Variants in PHACTR2 observed in about 807,000 individuals in gnomAD.
PHACTR2 encodes the protein phosphatase and actin regulator 2, also known as chromosome 6 open reading frame 56.
In PHACTR2, 30 loss-of-function variants were observed where a neutral mutation model predicts 76.0. That is an observed-to-expected ratio of 0.39 (90% CI 0.30 to 0.54). The LOEUF (loss-of-function observed/expected upper bound fraction) is 0.54. Among genes scored for constraint, PHACTR2 ranks in the 20% least tolerant of loss-of-function variants. The pLI, the probability that PHACTR2 is intolerant of heterozygous loss-of-function variation, is 0.61. For synonymous variants in PHACTR2, 292 were observed against 292.5 expected (o/e 1.00, Z 0.02); for missense variants, 696 against 781.1 (o/e 0.89, Z 1.30).
In PHACTR2 at chr6:143,623,575, G is replaced by A. The variant is rs751559131; in HGVS notation, c.13+15253G>A. Among the ~76,000 whole-genome samples, 7 of 151,880 alleles carry A rather than the reference G, an allele frequency of 4.6e-5. No individual in the cohort carries two copies. Among genetic ancestry groups the A allele is most frequent in the Non-Finnish European group, 1.0e-4 (7 of 67,982 alleles). On this transcript the variant is annotated intron_variant, in intron 1 of 11. Transcript: ENST00000305766. The surrounding 1 kb of genome is among the most constrained non-coding windows in gnomAD (Gnocchi z 5.9). ...GGGCAACAGAGTGAGACTCTGACTC[G>A]AAATAATAATAATAGTAATAATAAT...
At chr6:143,723,812 C>T (rs889894953) in intron 2 of PHACTR2, among the ~76,000 whole-genome samples, 1 of 152,190 alleles carries the variant, frequency 6.6e-6, no homozygotes, top group East Asian at 1.9e-4. Flanking sequence ...TTCTCCCTCT[C>T]CTGTGTGTTA....
chr6:143,679,213 C>T lies in PHACTR2; in HGVS notation c.46+1004C>T, dbSNP rs1290996066. Among the ~76,000 whole-genome samples, 1 of 152,144 alleles carries T rather than the reference C, an allele frequency of 6.6e-6. No homozygotes were observed. Among genetic ancestry groups the T allele is most frequent in the African/African-American group, 2.4e-5 (1 of 41,426 alleles). ...ATAGCATTCTGTCATTCCAACCCCC[C>T]ACCCCACTTTATACCCAGTGGGTTT... On this transcript the variant is annotated intron_variant, in intron 1 of 12. Transcript: ENST00000440869. The surrounding 1 kb of genome is among the most constrained non-coding windows in gnomAD (Gnocchi z 4.6).
rs1279789764 is a variant in PHACTR2 at position 143,793,151 on chromosome 6, A to G, written c.1845+4241A>G. Among the ~76,000 whole-genome samples, 1 of 152,212 alleles carries G rather than the reference A, an allele frequency of 6.6e-6. No homozygotes were observed. Among genetic ancestry groups the G allele is most frequent in the Non-Finnish European group, 1.5e-5 (1 of 68,034 alleles). ...TATGCAAGCAGGGAGAGTCTAAATG[A>G]CTAACCACCCTCATGTGGAAACTAA... On this transcript the variant is annotated intron_variant, in intron 11 of 12. Transcript: ENST00000440869. This position sits in a 1 kb window ranked among gnomAD's most constrained non-coding sequence, Gnocchi z 4.4.
At position 143,806,979 on chromosome 6, in the gene PHACTR2, C is replaced by A; in HGVS notation, c.1846-78C>A. The A allele has an allele frequency of 2.9e-6, 2 of 678,366 alleles. No homozygotes were observed. The highest frequency in any genetic ancestry group is 5.0e-6 in the Non-Finnish European group (2 of 401,924). 42.0% of individuals were successfully genotyped at this position (678,366 alleles called of 1,614,324 possible). A position where few individuals can be genotyped will look rare whatever the true frequency, so the allele number is the denominator to read the frequency against. ...CTCTTAAAAAAAAAAAAAAGGTCTG[C>A]TTCATTGATGCTGTATATACTGGGG... On this transcript the variant is annotated intron_variant, in intron 11 of 12. Coordinates refer to ENST00000440869, the MANE Select transcript of PHACTR2 (RefSeq NM_001100164.2). This position sits in a 1 kb window ranked among gnomAD's most constrained non-coding sequence, Gnocchi z 5.8.
chr6:143,808,866 CCT>C (rs1472398569), intron 12 of PHACTR2, among the ~76,000 whole-genome samples: 1 of 152,152 alleles, frequency 6.6e-6, no homozygotes, highest in African/African-American at 2.4e-5. Flanking sequence ...TTTTTGTCCC[CCT>C]CTTTTCTCCC....
Position 143,739,217 on chromosome 6 carries a change from A to ACCACG in PHACTR2, c.215-9765_215-9761dup, listed in dbSNP as rs1414527954. On this transcript the variant is annotated intron_variant, in intron 2 of 12. Transcript: ENST00000440869. The surrounding 1 kb of genome is among the most constrained non-coding windows in gnomAD (Gnocchi z 4.3). Reference sequence around the variant, plus strand: ...GTAGCTGGGACTATAGGCGTGCACCACCACGCCCATCTAATTTTTGTATTT... The same window carrying ACCACG: ...GTAGCTGGGACTATAGGCGTGCACCACCACGCCACGCCCATCTAATTTTTGTATTT... 1.3e-5 allele frequency among the ~76,000 whole-genome samples: 2 copies of ACCACG among 152,092 alleles called. No homozygotes were observed. The highest frequency in any genetic ancestry group is 2.4e-5 in the African/African-American group (1 of 41,404).
chr6:143,770,168 A>C (rs907859055), intron 6 of PHACTR2, among the ~76,000 whole-genome samples: 12 of 152,204 alleles, frequency 7.9e-5, no homozygotes, highest in Admixed American at 1.3e-4. Context: ...ATTCAGCCTT[A>C]AAAAGGAAGC....
At position 143,628,796 on chromosome 6, in the gene PHACTR2, G is replaced by A. The variant is rs140867849; in HGVS notation, c.13+20474G>A. Among the ~76,000 whole-genome samples, 1,200 of 151,626 alleles carry A rather than the reference G, an allele frequency of 7.9e-3. 20 individuals carry two copies. The highest frequency in any genetic ancestry group is 0.027 in the African/African-American group (1,128 of 41,280). ...GAGATCATTGTTTACCCTACCCATG[G>A]TCTTTCTCACTTGAGCAAAGTCTGA... On this transcript the variant is annotated intron_variant, in intron 1 of 11. Coordinates refer to the PHACTR2 transcript ENST00000305766.
chr6:143,553,356 G>A lies in PHACTR2; in HGVS notation c.217+16149G>A, dbSNP rs899457284. 1.3e-5 allele frequency among the ~76,000 whole-genome samples: 2 copies of A among 152,174 alleles called. No homozygotes were observed. Among genetic ancestry groups the A allele is most frequent in the Non-Finnish European group, 2.9e-5 (2 of 68,022 alleles). ...CTGTGCATTTTAAAGAGAGAATGAAGGAGTATAGAGGGAGGTGAACAGAGG... is the reference window on the plus strand; with the variant it reads ...CTGTGCATTTTAAAGAGAGAATGAAAGAGTATAGAGGGAGGTGAACAGAGG... On this transcript the variant is annotated intron_variant, in intron 1 of 11. Coordinates refer to the PHACTR2 transcript ENST00000367584. The surrounding 1 kb of genome is among the most constrained non-coding windows in gnomAD (Gnocchi z 4.2).
rs931520516 is a variant in PHACTR2, at chr6:143,592,249, T to G, written c.217+55042T>G. Reference sequence around the variant, plus strand: ...CATATGGGATGGGGGCTTCCATTTGTGTACTTGCCCCAGTCCCTACAAATG... The same window carrying G: ...CATATGGGATGGGGGCTTCCATTTGGGTACTTGCCCCAGTCCCTACAAATG... On this transcript the variant is annotated intron_variant, in intron 1 of 11. Transcript: ENST00000367584. The surrounding 1 kb of genome is among the most constrained non-coding windows in gnomAD (Gnocchi z 4.0). Among the ~76,000 whole-genome samples, 6 of 152,202 alleles carry G rather than the reference T, an allele frequency of 3.9e-5. No individual in the cohort carries two copies. Among genetic ancestry groups the G allele is most frequent in the Non-Finnish European group, 5.9e-5 (4 of 68,028 alleles).
Position 143,699,478 on chromosome 6 carries a change from T to C in PHACTR2, c.47-12538T>C, listed in dbSNP as rs74748422. The stretch of plus-strand genomic sequence containing the variant: ...CTTGCTCCTAAATGTAATCATTCTC[T>C]AGGAGTTTACCCCTGGTCCTCAACA... On this transcript the variant is annotated intron_variant, in intron 1 of 12. Transcript: ENST00000440869. Among the ~76,000 whole-genome samples the C allele has an allele frequency of 2.4e-3, 363 of 152,374 alleles. 3 individuals are homozygous for C. Among genetic ancestry groups the C allele is most frequent in the African/African-American group, 8.2e-3 (343 of 41,578 alleles).
intron 1 of PHACTR2, among the ~76,000 whole-genome samples, chr6:143,555,923 C>G (rs1400045203): frequency 7.2e-6 from 1 of 138,908 alleles, no homozygotes; most frequent in African/African-American, 2.7e-5. Context: ...TGACATTTAG[C>G]TTTTTTTTTT....
At chr6:143,785,207 A>G (rs956580079) in intron 10 of PHACTR2, among the ~76,000 whole-genome samples, 2 of 152,230 alleles carry the variant, frequency 1.3e-5, no homozygotes, top group Non-Finnish European at 2.9e-5. Context: ...GGGTACAGGC[A>G]TTGGGTAAAT....
chr6:143,771,498 G>A (rs996281776), intron 6 of PHACTR2, among the ~76,000 whole-genome samples: 6 of 150,680 alleles, frequency 4.0e-5, no homozygotes, highest in Admixed American at 6.6e-5. Context: ...GTGCAATGGC[G>A]CGATCTTGGC....
chr6:143,796,415 CTTTG>C lies in PHACTR2; in HGVS notation c.1845+7509_1845+7512del, dbSNP rs1201355721. 5.0e-3 allele frequency among the ~76,000 whole-genome samples: 481 copies of C among 96,474 alleles called. 6 individuals are homozygous for C. The East Asian group carries it at 0.084, about 17-fold the overall frequency. The allele number at this position is 96,474 out of a possible 152,430, so 63.3% of individuals were successfully genotyped here. A position where few individuals can be genotyped will look rare whatever the true frequency, so the allele number is the denominator to read the frequency against. ...TCTTTCTTTCTTTCTTTCTTTCTTT[CTTTG>C]TTTTTATTATACTTTAAGTTCTGGG... On this transcript the variant is annotated intron_variant, in intron 11 of 12. Transcript: ENST00000440869.
chr6:143,670,211 C>T (rs747697952), intron 1 of PHACTR2, among the ~76,000 whole-genome samples: 6 of 152,136 alleles, frequency 3.9e-5, no homozygotes, highest in East Asian at 1.9e-4. Flanking sequence ...CAGAGAGATC[C>T]GCTGTTAGTC....
intron 1 of PHACTR2, among the ~76,000 whole-genome samples, chr6:143,682,765 G>A (rs1367367556): frequency 2.1e-5 from 3 of 143,598 alleles, no homozygotes; most frequent in African/African-American, 7.9e-5. Flanking sequence ...AACAAAAAAA[G>A]TTGTTTTTTT....
intron 1 of PHACTR2, among the ~76,000 whole-genome samples, chr6:143,582,739 C>T (rs1319542961): frequency 6.6e-6 from 1 of 152,072 alleles, no homozygotes; most frequent in East Asian, 1.9e-4. Flanking sequence ...TAAGAAAATG[C>T]TTTCTAAATG....
chr6:143,686,110 C>T (rs6929210), intron 1 of PHACTR2, among the ~76,000 whole-genome samples: 4,180 of 145,570 alleles, frequency 0.029, 191 homozygotes, highest in African/African-American at 0.1. Context: ...CCAGCCTGGA[C>T]GACAGAGTGA....
Sources: gnomAD v4.1 joint callset for allele counts (sites outside exome capture counted in the v4.1 genomes callset) on GRCh38, gnomAD v4.1.1 for gene constraint, Gnocchi (gnomAD v3.1) non-coding constraint, MANE v1.5 for transcripts, NCBI Gene and HGNC (gene_info 2026-07-23, HGNC 2026-07-21) for gene names.